Variants in RALGAPA2 observed in about 807,000 individuals in gnomAD.
RALGAPA2 encodes the protein ral GTPase-activating protein subunit alpha-2.
In RALGAPA2, 139 loss-of-function variants were observed where a neutral mutation model predicts 230.4. That is an observed-to-expected ratio of 0.60 (90% confidence interval 0.53 to 0.69). The LOEUF (loss-of-function observed/expected upper bound fraction) is 0.69, where lower values mean the gene tolerates loss of function less well. Ranked by LOEUF, RALGAPA2 falls within the 30% of genes least tolerant of loss-of-function variation. The probability of loss-of-function intolerance (pLI) is 0.00; values close to 1 mark genes in which losing one functional copy is unlikely to be tolerated. For synonymous variants in RALGAPA2, 847 were observed against 837.8 expected (o/e 1.01, Z -0.19); for missense variants, 2,163 against 2,276.0 (o/e 0.95, Z 1.01).
At chr20:20,668,134 G>A (rs181723125) in intron 3 of RALGAPA2, among the ~76,000 whole-genome samples, 4 of 152,294 alleles carry the variant, frequency 2.6e-5, no homozygotes, top group Admixed American at 2.6e-4. Flanking sequence ...TCTACTGGAG[G>A]ACTCTAGAGC....
chr20:20,626,591 T>C (rs2066495758), intron 10 of RALGAPA2, among the ~76,000 whole-genome samples: 1 of 152,224 alleles, frequency 6.6e-6, no homozygotes, highest in African/African-American at 2.4e-5. Context: ...ACAGTCAGAA[T>C]TATTTGTATG....
intron 10 of RALGAPA2, among the ~76,000 whole-genome samples, chr20:20,628,263 A>G (rs1019849593): frequency 1.3e-5 from 2 of 152,218 alleles, no homozygotes; most frequent in Non-Finnish European, 2.9e-5. Flanking sequence ...TTGCCTCACC[A>G]TAAGAAGTTC....
At chr20:20,590,744 T>A (rs1225863653) in intron 17 of RALGAPA2, among the ~76,000 whole-genome samples, 1 of 152,184 alleles carries the variant, frequency 6.6e-6, no homozygotes, top group Non-Finnish European at 1.5e-5. Context: ...TTTTCACAAG[T>A]CTGGTCAGCT....
chr20:20,512,663 G>C lies in RALGAPA2; in HGVS notation c.4706C>G (p.Ala1569Gly). The C allele has an allele frequency of 1.9e-6, 3 of 1,613,968 alleles. No individual in the cohort carries two copies. Among genetic ancestry groups the C allele is most frequent in the Non-Finnish European group, 2.5e-6 (3 of 1,179,882 alleles). The change falls in exon 32 of 40, where the codon GCT becomes GGT. Residue 1569 changes from alanine (A) to glycine (G), a missense_variant. By Grantham distance (60) the Ala-to-Gly change is moderately conservative. Transcript: ENST00000202677. ...EIIEVILRQN[A>G]QEDEYIQSHN... ...ACTCTGGATATACTCATCCTCTTGA[G>C]CATTTTGGCGCAAAATGACCTCAAT... is the stretch of plus-strand genomic sequence containing the variant.
intron 16 of RALGAPA2, among the ~76,000 whole-genome samples, chr20:20,598,502 AT>A (rs1218098789): frequency 6.6e-6 from 1 of 152,166 alleles, no homozygotes; most frequent in East Asian, 1.9e-4. Context: ...TGACTATCTA[AT>A]TGCCATTAAG....
intron 15 of RALGAPA2, among the ~76,000 whole-genome samples, chr20:20,602,482 G>C (rs1292212015): frequency 6.6e-6 from 1 of 152,238 alleles, no homozygotes; most frequent in Non-Finnish European, 1.5e-5. Flanking sequence ...AAATAGAGGA[G>C]GAAAGAGAAT....
chr20:20,499,180 T>TGA (rs2062299944), intron 35 of RALGAPA2, among the ~76,000 whole-genome samples: 2 of 151,776 alleles, frequency 1.3e-5, no homozygotes, highest in Non-Finnish European at 1.5e-5. Context: ...ATAAAGAGAG[T>TGA]TTATCACTAA....
At position 20,589,349 on chromosome 20, in the gene RALGAPA2, G is replaced by C. The variant is rs1568616981; in HGVS notation, c.2358C>G (p.Asn786Lys). 6.3e-7 allele frequency: 1 copy of C among 1,587,766 alleles called. No homozygotes were observed. The highest frequency in any genetic ancestry group is 8.6e-7 in the Non-Finnish European group (1 of 1,165,318). The stretch of plus-strand genomic sequence containing the variant: ...GCTCTGAAGAACTCGAATTCTGTGT[G>C]TTTTCTGCCTTTTGACCTAGAAATG... The part of the protein sequence containing the change: ...SDSSQGQKAE[N>K]TQNSSSSEPQ... The change falls in exon 18 of 40, where the codon AAC (asparagine) becomes AAG (lysine). Residue 786 changes from asparagine (N) to lysine (K), a missense_variant. Coordinates refer to ENST00000202677, the MANE Select transcript of RALGAPA2 (RefSeq NM_020343.4).
At chr20:20,457,253 C>T (rs1250826923) in intron 37 of RALGAPA2, among the ~76,000 whole-genome samples, 1 of 152,120 alleles carries the variant, frequency 6.6e-6, no homozygotes, top group Non-Finnish European at 1.5e-5. Context: ...GGGAGAGGTA[C>T]CATGGTTTAC....
At chr20:20,570,246 T>C (rs1327107469) in intron 23 of RALGAPA2, among the ~76,000 whole-genome samples, 1 of 152,176 alleles carries the variant, frequency 6.6e-6, no homozygotes, top group African/African-American at 2.4e-5. Context: ...TATTATTTCA[T>C]ATAAGAGTTC....
chr20:20,479,458 T>A (rs2061725257), intron 36 of RALGAPA2, among the ~76,000 whole-genome samples: 1 of 152,166 alleles, frequency 6.6e-6, no homozygotes, highest in Admixed American at 6.5e-5. Flanking sequence ...GTCGGGTATA[T>A]CCCAAGAATA....
chr20:20,705,639 G>A (rs1237115786), intron 1 of RALGAPA2, among the ~76,000 whole-genome samples: 1 of 151,938 alleles, frequency 6.6e-6, no homozygotes, highest in Non-Finnish European at 1.5e-5. Flanking sequence ...TTGCTATTTT[G>A]AAAGTCAAGT....
intron 37 of RALGAPA2, among the ~76,000 whole-genome samples, chr20:20,449,440 T>C (rs531125611): frequency 6.6e-6 from 1 of 152,288 alleles, no homozygotes; most frequent in Admixed American, 6.5e-5. Flanking sequence ...TCACATAAAA[T>C]CCATTATTGA....
intron 28 of RALGAPA2, 78 bp downstream of exon 28, chr20:20,526,174 A>C: frequency 2.8e-6 from 3 of 1,079,508 alleles, no homozygotes; most frequent in South Asian, 3.1e-5. Flanking sequence ...AATTATTTGA[A>C]TATCTATAAT....
chr20:20,439,076 T>C (rs1266448125), intron 37 of RALGAPA2, among the ~76,000 whole-genome samples: 1 of 152,190 alleles, frequency 6.6e-6, no homozygotes, highest in Non-Finnish European at 1.5e-5. Context: ...TTCCCAGGCA[T>C]GGAAACGGAG....
At chr20:20,619,512 A>G in intron 11 of RALGAPA2, 98 bp from the exon 12 acceptor site, 1 of 960,162 alleles carries the variant, frequency 1.0e-6, no homozygotes, top group Non-Finnish European at 1.3e-6. Context: ...AAACTAAGTT[A>G]TATTTAGTTG....
At position 20,637,354 on chromosome 20, in the gene RALGAPA2, AGT is replaced by A; in HGVS notation, c.805+7_805+8del. 12 of 1,591,126 alleles carry A rather than the reference AGT, an allele frequency of 7.5e-6. No individual in the cohort carries two copies. Among genetic ancestry groups the A allele is most frequent in the Non-Finnish European group, 1.0e-5 (12 of 1,167,428 alleles). On this transcript the variant is annotated splice_region_variant and intron_variant, in intron 8 of 39. Transcript: ENST00000202677. The stretch of plus-strand genomic sequence containing the variant: ...GATATCCTCTATACACGGCTCCAAC[AGT>A]ACTTACCAAGTACAGGTTTGTAGAT...
At position 20,533,118 on chromosome 20, in the gene RALGAPA2, C is replaced by A. The variant is rs894283484; in HGVS notation, c.3474-1323G>T. 4.0e-5 allele frequency among the ~76,000 whole-genome samples: 6 copies of A among 150,758 alleles called. No homozygotes were observed. In the East Asian group the frequency reaches 1.2e-3, roughly 29 times the overall value. The stretch of plus-strand genomic sequence containing the variant: ...AAGGAGAAATAAAAGAAATATTATA[C>A]CTTATTTTTAATAGGATCTTTCTTT... On this transcript the variant is annotated intron_variant, in intron 26 of 39. Transcript: ENST00000202677.
chr20:20,456,180 A>G (rs1018628956), intron 37 of RALGAPA2, among the ~76,000 whole-genome samples: 1 of 152,244 alleles, frequency 6.6e-6, no homozygotes, highest in Non-Finnish European at 1.5e-5. Flanking sequence ...TAATTACATA[A>G]ATGGCACTAG....
Sources: allele counts gnomAD v4.1 joint callset (sites outside exome capture counted in the v4.1 genomes callset), GRCh38; gene constraint gnomAD v4.1.1; transcripts MANE v1.5; gene names NCBI Gene and HGNC (gene_info 2026-07-23, HGNC 2026-07-21).